The following TMEM131 variants were observed in gnomAD, a reference collection of about 807,000 sequenced individuals.
The protein encoded by TMEM131 is 2610524E03Rik.
In TMEM131, 66 loss-of-function variants were observed where a neutral mutation model predicts 211.6. The ratio of observed to expected loss-of-function variants is 0.31; its 90% CI spans 0.26 to 0.38. TMEM131 has a LOEUF of 0.38. Ranked by LOEUF, TMEM131 falls within the 10% of genes least tolerant of loss-of-function variation. The pLI is 1.00. For synonymous variants in TMEM131, 844 were observed against 841.3 expected (o/e 1.00, Z -0.06); for missense variants, 2,036 against 2,299.3 (o/e 0.89, Z 2.34).
At chr2:97,899,230 G>T (rs114340937) in intron 3 of TMEM131, among the ~76,000 whole-genome samples, 6,266 of 152,178 alleles carry the variant, frequency 0.041, 230 homozygotes, top group African/African-American at 0.096. Flanking sequence ...GCATTTTAAA[G>T]ATTAGTGTTT....
intron 5 of TMEM131, among the ~76,000 whole-genome samples, chr2:97,849,032 T>A (rs996103703): frequency 1.6e-4 from 24 of 151,950 alleles, no homozygotes; most frequent in African/African-American, 5.8e-4. Context: ...AAAGAAAACA[T>A]ATGGATGGCA....
Position 97,792,520 on chromosome 2 carries a change from C to T in TMEM131, c.4010G>A (p.Ser1337Asn), listed in dbSNP as rs761794575. 1.2e-6 allele frequency: 2 copies of T among 1,613,576 alleles called. No individual in the cohort carries two copies. The highest frequency in any genetic ancestry group is 1.7e-5 in the Admixed American group (1 of 59,942). The change falls in exon 31 of 41, where the codon AGC becomes AAC. Residue 1337 changes from serine (S) to asparagine (N), a missense_variant. Ser to Asn is a conservative substitution (Grantham distance 46). Around this residue, in one of 3 missense-constraint regions of TMEM131, gnomAD observed 1,623 missense variants for 1,805.9 expected, o/e 0.90. Transcript: ENST00000186436. ...AHPSHPERAS[S>N]ARHSSEDSDI... is the part of the protein sequence containing the mutation. ...CGAGTCCTCGGAACTGTGCCTCGCG[C>T]TGCTGGCACGTTCTGGGTGGGAAGG...
chr2:97,867,063 T>A (rs890998361), intron 4 of TMEM131, among the ~76,000 whole-genome samples: 22 of 152,234 alleles, frequency 1.4e-4, no homozygotes, highest in African/African-American at 5.3e-4. Flanking sequence ...GCCTGTATTG[T>A]TTAAATCCAT....
chr2:97,978,612 T>G (rs1348090233), intron 1 of TMEM131, among the ~76,000 whole-genome samples: 1 of 152,152 alleles, frequency 6.6e-6, no homozygotes, highest in Non-Finnish European at 1.5e-5. Flanking sequence ...CTTGAACTCC[T>G]GGGCTCCATA....
intron 3 of TMEM131, among the ~76,000 whole-genome samples, chr2:97,906,044 G>T (rs540488856): frequency 6.6e-6 from 1 of 152,102 alleles, no homozygotes; most frequent in Non-Finnish European, 1.5e-5. Context: ...TCTTATAAAC[G>T]GATGCTGTAA....
intron 1 of TMEM131, among the ~76,000 whole-genome samples, chr2:97,967,464 T>C (rs1679108228): frequency 2.0e-5 from 3 of 151,926 alleles, no homozygotes; most frequent in African/African-American, 7.3e-5. Context: ...CAAAATGAAA[T>C]GTTTATTTAT....
chr2:97,940,070 C>T (rs143639365), intron 1 of TMEM131, among the ~76,000 whole-genome samples: 75 of 152,106 alleles, frequency 4.9e-4, no homozygotes, highest in South Asian at 2.9e-3. Flanking sequence ...AGTATCATAC[C>T]GAATAGACAA....
intron 38 of TMEM131, 50 bp downstream of exon 38, chr2:97,760,542 CG>C: frequency 6.5e-7 from 1 of 1,533,600 alleles, no homozygotes; most frequent in Non-Finnish European, 8.9e-7. Context: ...GGTGCTAACC[CG>C]ACTTGAGAAG....
chr2:97,961,505 T>C (rs1010802818), intron 1 of TMEM131, among the ~76,000 whole-genome samples: 50 of 152,228 alleles, frequency 3.3e-4, no homozygotes, highest in African/African-American at 9.2e-4. Context: ...TTAGAGTTAA[T>C]GTGCTCTCAA....
At chr2:97,969,486 T>C (rs1679203711) in intron 1 of TMEM131, among the ~76,000 whole-genome samples, 1 of 152,208 alleles carries the variant, frequency 6.6e-6, no homozygotes, top group African/African-American at 2.4e-5. Flanking sequence ...TTATTTATGT[T>C]TTCCAAAATA....
intron 3 of TMEM131, among the ~76,000 whole-genome samples, chr2:97,901,119 ACAAGAGATTATT>A (rs1675835555): frequency 6.6e-6 from 1 of 152,220 alleles, no homozygotes; most frequent in Non-Finnish European, 1.5e-5. Flanking sequence ...AAATACATAC[ACAAGAGATTATT>A]CTTTGAAGCA....
intron 4 of TMEM131, among the ~76,000 whole-genome samples, chr2:97,865,343 A>G (rs897980280): frequency 6.6e-6 from 1 of 152,180 alleles, no homozygotes; most frequent in Admixed American, 6.5e-5. Flanking sequence ...ACAGGAATAG[A>G]TCTCCTTGTG....
chr2:97,809,824 A>G, intron 18 of TMEM131, 50 bp from the exon 19 acceptor site: 3 of 1,421,002 alleles, frequency 2.1e-6, no homozygotes, highest in Non-Finnish European at 2.9e-6. Context: ...ACTTAGCCTG[A>G]TCTTGATAAC....
chr2:97,787,026 A>C (rs1045135484), intron 31 of TMEM131, among the ~76,000 whole-genome samples: 1 of 152,220 alleles, frequency 6.6e-6, no homozygotes, highest in Non-Finnish European at 1.5e-5. Context: ...ACTTTATTCG[A>C]GGTTTCTGCT....
intron 1 of TMEM131, among the ~76,000 whole-genome samples, chr2:97,986,984 A>C (rs1001519898): frequency 2.6e-5 from 4 of 152,224 alleles, no homozygotes; most frequent in Non-Finnish European, 4.4e-5. Flanking sequence ...TCCCAGTTTA[A>C]TCATGCTCTA....
chr2:97,878,201 C>G (rs1438305457), intron 4 of TMEM131, among the ~76,000 whole-genome samples: 2 of 152,196 alleles, frequency 1.3e-5, no homozygotes, highest in Non-Finnish European at 2.9e-5. Context: ...CAGGAAACAA[C>G]AGATGCTGGA....
Position 97,981,057 on chromosome 2 carries a change from A to G in TMEM131, c.187+14419T>C, listed in dbSNP as rs1040821134. 7.1e-4 allele frequency among the ~76,000 whole-genome samples: 100 copies of G among 140,936 alleles called. 1 individual carries two copies. Among genetic ancestry groups the G allele is most frequent in the African/African-American group, 2.4e-3 (86 of 35,932 alleles). 92.5% of individuals were successfully genotyped at this position (140,936 alleles called of 152,430 possible). A position where few individuals can be genotyped will look rare whatever the true frequency, so the allele number is the denominator to read the frequency against. On this transcript the variant is annotated intron_variant, in intron 1 of 40. Transcript: ENST00000186436. ...AAAAAAAAAAAAAAAAAAAAAAAAAAAAAAAAAAAAGTTTAAAAATCTGTT... is the reference window on the plus strand; with the variant it reads ...AAAAAAAAAAAAAAAAAAAAAAAAAGAAAAAAAAAAGTTTAAAAATCTGTT...
chr2:97,863,099 GCAA>G (rs778103287), intron 4 of TMEM131, among the ~76,000 whole-genome samples: 1 of 151,994 alleles, frequency 6.6e-6, no homozygotes, highest in Non-Finnish European at 1.5e-5. Flanking sequence ...AGTGCTGAAG[GCAA>G]CAACAACAAA....
intron 4 of TMEM131, among the ~76,000 whole-genome samples, chr2:97,871,984 T>C (rs1050548833): frequency 1.4e-5 from 2 of 145,004 alleles, no homozygotes; most frequent in Admixed American, 7.0e-5. Context: ...GGTGTCTAGA[T>C]TGCCCCATGG....
Sources: gnomAD v4.1 joint callset for allele counts (sites outside exome capture counted in the v4.1 genomes callset) on GRCh38, gnomAD v4.1.1 for gene constraint, gnomAD v4.1.1 regional missense constraint, MANE v1.5 for transcripts, NCBI Gene and HGNC (gene_info 2026-07-23, HGNC 2026-07-21) for gene names.